The following FBLN2 variants were observed in gnomAD, a reference collection of about 807,000 sequenced individuals.
FBLN2 encodes the protein fibulin-2.
In FBLN2, 81 loss-of-function variants were observed where a neutral mutation model predicts 123.7. The ratio of observed to expected loss-of-function variants is 0.65; its 90% CI spans 0.55 to 0.79. The LOEUF (loss-of-function observed/expected upper bound fraction) is 0.79, where lower values mean the gene tolerates loss of function less well. Ranked by LOEUF, FBLN2 falls within the 30% of genes least tolerant of loss-of-function variation. The pLI is 0.00. For missense variants in FBLN2, 1,603 were observed against 1,681.3 expected, an observed-to-expected ratio of 0.95 and a Z score of 0.81; for synonymous variants, 699 against 701.4, an observed-to-expected ratio of 1.00 and a Z score of 0.05.
At chr3:13,610,272 T>G (rs1372779621) in intron 4 of FBLN2, among the ~76,000 whole-genome samples, 2 of 152,132 alleles carry the variant, frequency 1.3e-5, no homozygotes, top group Non-Finnish European at 2.9e-5. Context: ...CAGAGAGATG[T>G]CAGGGCTCCT....
chr3:13,615,506 T>C (rs1418697076), intron 5 of FBLN2, among the ~76,000 whole-genome samples: 2 of 152,268 alleles, frequency 1.3e-5, no homozygotes, highest in African/African-American at 4.8e-5. Context: ...GTTGGAATCC[T>C]AGTTCCTTTG....
intron 1 of FBLN2, among the ~76,000 whole-genome samples, chr3:13,551,574 C>A (rs951024119): frequency 1.3e-5 from 2 of 152,180 alleles, no homozygotes; most frequent in African/African-American, 4.8e-5. Flanking sequence ...AAGCTCTTTG[C>A]CCCTCTTACT....
At chr3:13,566,082 G>A (rs1285534698) in intron 1 of FBLN2, among the ~76,000 whole-genome samples, 3 of 152,202 alleles carry the variant, frequency 2.0e-5, no homozygotes, top group East Asian at 1.9e-4. Flanking sequence ...GCTGGCCACC[G>A]CAGCCAGTCC....
intron 2 of FBLN2, among the ~76,000 whole-genome samples, chr3:13,585,989 A>G (rs1417689639): frequency 2.0e-5 from 3 of 152,138 alleles, no homozygotes; most frequent in Non-Finnish European, 4.4e-5. Flanking sequence ...TAACTATAAA[A>G]CAGCCTCTGG....
At position 13,619,780 on chromosome 3, in the gene FBLN2, T is replaced by C. The variant is rs763917818; in HGVS notation, c.2104T>C (p.Cys702Arg). 1 of 1,613,142 alleles carries C rather than the reference T, an allele frequency of 6.2e-7. No individual in the cohort carries two copies. The highest frequency in any genetic ancestry group is 8.5e-7 in the Non-Finnish European group (1 of 1,179,502). Residue 702 changes from cysteine (C) to arginine (R), a missense_variant, in exon 8 of 18, where the codon TGC becomes CGC. Transcript: ENST00000404922. ...CAGCACTGTTGGGGGCTCAGCCATA[T>C]GCTCCTGTTTTCCCGGCTATGCCAT... ...VCSTVGGSAI[C>R]SCFPGYAIMA... is the part of the protein sequence containing the mutation.
chr3:13,637,438 G>T, intron 17 of FBLN2, 124 bp from the exon 18 acceptor site: 1 of 872,212 alleles, frequency 1.1e-6, no homozygotes, highest in African/African-American at 1.7e-5. Flanking sequence ...CTTGCCTGAG[G>T]CTTCCCGGCC....
intron 10 of FBLN2, among the ~76,000 whole-genome samples, chr3:13,627,040 C>T (rs979507303): frequency 2.0e-5 from 3 of 151,966 alleles, no homozygotes; most frequent in Non-Finnish European, 4.4e-5. Context: ...ACCAGGGATC[C>T]AGGGTGGGGT....
intron 4 of FBLN2, among the ~76,000 whole-genome samples, chr3:13,610,584 G>A (rs1450375399): frequency 6.6e-6 from 1 of 152,130 alleles, no homozygotes; most frequent in East Asian, 1.9e-4. Flanking sequence ...GAGAGCTTTC[G>A]GCTTCAAGCA....
chr3:13,557,006 C>T (rs886847048), intron 1 of FBLN2, among the ~76,000 whole-genome samples: 1 of 152,278 alleles, frequency 6.6e-6, no homozygotes, highest in African/African-American at 2.4e-5. Context: ...AAATGAGGCC[C>T]GCCACATGGC....
intron 5 of FBLN2, 127 bp downstream of exon 5, chr3:13,614,291 C>G: frequency 1.1e-6 from 1 of 919,348 alleles, no homozygotes; most frequent in Non-Finnish European, 1.6e-6. Context: ...AAACAGAGTT[C>G]TGAGGATGGT....
chr3:13,607,057 G>A (rs1288264375), intron 2 of FBLN2, among the ~76,000 whole-genome samples: 5 of 146,056 alleles, frequency 3.4e-5, no homozygotes, highest in African/African-American at 7.6e-5. Flanking sequence ...GCACAATCTC[G>A]GCTCACTACA....
intron 1 of FBLN2, among the ~76,000 whole-genome samples, chr3:13,565,613 C>T (rs1297713012): frequency 1.3e-5 from 2 of 152,186 alleles, no homozygotes; most frequent in African/African-American, 2.4e-5. Context: ...TTTTTAATGC[C>T]GTGATATATG....
At chr3:13,597,154 A>G (rs1704870818) in intron 2 of FBLN2, among the ~76,000 whole-genome samples, 1 of 151,648 alleles carries the variant, frequency 6.6e-6, no homozygotes, top group South Asian at 2.1e-4. Context: ...CTGGTCTTGA[A>G]CTCCTGGCCT....
intron 2 of FBLN2, among the ~76,000 whole-genome samples, chr3:13,589,139 GCTTCT>G (rs1168539605): frequency 2.6e-5 from 4 of 152,172 alleles, no homozygotes; most frequent in Non-Finnish European, 5.9e-5. Flanking sequence ...GAATTTCTGT[GCTTCT>G]CCTGAATCAG....
At chr3:13,557,670 GTGACTGCTC>G (rs1301225477) in intron 1 of FBLN2, among the ~76,000 whole-genome samples, 1 of 152,264 alleles carries the variant, frequency 6.6e-6, no homozygotes, top group Non-Finnish European at 1.5e-5. Context: ...ACTGGGTCGT[GTGACTGCTC>G]TGACCTGTCA....
chr3:13,613,883 T>G, intron 4 of FBLN2, 101 bp from the exon 5 acceptor site: 3 of 1,312,676 alleles, frequency 2.3e-6, no homozygotes, highest in Non-Finnish European at 3.1e-6. Flanking sequence ...GCAGAGGAGA[T>G]AAGATAATGG....
intron 1 of FBLN2, among the ~76,000 whole-genome samples, chr3:13,556,407 T>C (rs1217637210): frequency 6.6e-6 from 1 of 152,062 alleles, no homozygotes; most frequent in African/African-American, 2.4e-5. Context: ...TTTCTTTCTG[T>C]AAGGACACTA....
At chr3:13,551,775 C>G (rs1272564424) in intron 1 of FBLN2, among the ~76,000 whole-genome samples, 1 of 151,840 alleles carries the variant, frequency 6.6e-6, no homozygotes, top group African/African-American at 2.4e-5. Flanking sequence ...CTCTTGACCT[C>G]GTGATCCGCC....
At chr3:13,569,568 T>G (rs1574948807) in intron 1 of FBLN2, among the ~76,000 whole-genome samples, 1 of 148,826 alleles carries the variant, frequency 6.7e-6, no homozygotes, top group African/African-American at 2.5e-5. Context: ...GTTGGTGGGG[T>G]GTTAGGGACA....
Sources: allele counts gnomAD v4.1 joint callset (sites outside exome capture counted in the v4.1 genomes callset), GRCh38; gene constraint gnomAD v4.1.1; transcripts MANE v1.5; gene names NCBI Gene and HGNC (gene_info 2026-07-23, HGNC 2026-07-21).